HPCAL1: variants seen among roughly 807,000 people sequenced by gnomAD.
HPCAL1 encodes hippocalcin-like protein 1.
In HPCAL1, 8 loss-of-function variants were observed where a neutral mutation model predicts 17.1. The ratio of observed to expected loss-of-function variants is 0.47; its 90% CI spans 0.27 to 0.84. HPCAL1 has a LOEUF of 0.84. Ranked by LOEUF, HPCAL1 falls within the 40% of genes least tolerant of loss-of-function variation. The pLI, the probability that HPCAL1 is intolerant of heterozygous loss-of-function variation, is 0.13. For synonymous variants in HPCAL1, 112 were observed against 111.4 expected, an observed-to-expected ratio of 1.01 and a Z score of -0.03; for missense variants, 165 against 271.1, an observed-to-expected ratio of 0.61 and a Z score of 2.75.
At chr2:10,313,597 A>C (rs1042506505) in intron 1 of HPCAL1, among the ~76,000 whole-genome samples, 1 of 152,222 alleles carries the variant, frequency 6.6e-6, no homozygotes, top group African/African-American at 2.4e-5. Context: ...ACAAGGCTTT[A>C]GGGTTGGCAG....
chr2:10,313,737 C>G (rs1040589320), intron 1 of HPCAL1, among the ~76,000 whole-genome samples: 5 of 152,232 alleles, frequency 3.3e-5, no homozygotes, highest in African/African-American at 1.2e-4. Context: ...TCTGTCAGCT[C>G]TGCAATTCAG....
intron 1 of HPCAL1, among the ~76,000 whole-genome samples, chr2:10,378,595 T>C (rs1667739106): frequency 6.6e-6 from 1 of 152,168 alleles, no homozygotes; most frequent in African/African-American, 2.4e-5. Context: ...AGGACACTAA[T>C]ACCATCATGG....
intron 1 of HPCAL1, among the ~76,000 whole-genome samples, chr2:10,326,834 T>C (rs915295870): frequency 1.3e-5 from 2 of 152,158 alleles, no homozygotes; most frequent in Non-Finnish European, 2.9e-5. Context: ...CGCTGACAGA[T>C]GCCGAGGCTC....
Position 10,316,131 on chromosome 2 carries a change from C to T in HPCAL1, c.-111+12954C>T, listed in dbSNP as rs557045427. Among the ~76,000 whole-genome samples the T allele has an allele frequency of 4.6e-5, 7 of 152,238 alleles. No individual in the cohort carries two copies. The East Asian group carries it at 5.8e-4, about 13-fold the overall frequency. Reference sequence around the variant, plus strand: ...TGTTCTTGAACTTGGGCGTTCACTTCGTTTGTTGACCTGGAAGGAGCCATC... The same window carrying T: ...TGTTCTTGAACTTGGGCGTTCACTTTGTTTGTTGACCTGGAAGGAGCCATC... On this transcript the variant is annotated intron_variant, in intron 1 of 4. Coordinates refer to ENST00000307845, the MANE Select transcript of HPCAL1 (RefSeq NM_002149.4).
At position 10,378,235 on chromosome 2, in the gene HPCAL1, T is replaced by G. The variant is rs887224886; in HGVS notation, c.-110-18600T>G. Among the ~76,000 whole-genome samples the G allele has an allele frequency of 2.4e-4, 36 of 150,236 alleles. No homozygotes were observed. The East Asian group carries it at 6.8e-3, about 28-fold the overall frequency. Reference sequence around the variant, plus strand: ...AAGGTGGTTTCATGTTTTTTTTTTTTTTTTTTTTTTTTTACTGCTTTGAAG... The same window carrying G: ...AAGGTGGTTTCATGTTTTTTTTTTTGTTTTTTTTTTTTTACTGCTTTGAAG... On this transcript the variant is annotated intron_variant, in intron 1 of 4. Coordinates refer to ENST00000307845, the MANE Select transcript of HPCAL1 (RefSeq NM_002149.4).
intron 1 of HPCAL1, among the ~76,000 whole-genome samples, chr2:10,334,121 C>T (rs552083233): frequency 3.9e-4 from 60 of 152,154 alleles, no homozygotes; most frequent in Non-Finnish European, 5.4e-4. Context: ...TATTTGTGCG[C>T]GTTTTACGCT....
chr2:10,357,509 A>T (rs766493521), intron 1 of HPCAL1, among the ~76,000 whole-genome samples: 2 of 152,206 alleles, frequency 1.3e-5, no homozygotes, highest in Non-Finnish European at 2.9e-5. Context: ...CCATGGCAGA[A>T]TTCTGCTCTG....
chr2:10,392,874 C>T (rs1431275540), intron 1 of HPCAL1, among the ~76,000 whole-genome samples: 8 of 152,212 alleles, frequency 5.3e-5, no homozygotes, highest in Non-Finnish European at 8.8e-5. Flanking sequence ...CGGAAGGGCC[C>T]CAGGAAAAGC....
intron 4 of HPCAL1, chr2:10,425,368 T>C (rs1457139383): frequency 6.6e-6 from 1 of 152,330 alleles, no homozygotes; most frequent in Non-Finnish European, 1.5e-5. Flanking sequence ...CGGGCATTGT[T>C]TGGGCTCTCT....
At chr2:10,372,864 G>C (rs1395645528) in intron 1 of HPCAL1, among the ~76,000 whole-genome samples, 6 of 152,242 alleles carry the variant, frequency 3.9e-5, no homozygotes, top group African/African-American at 7.2e-5. Flanking sequence ...TCTGGAGAAG[G>C]TGGCCAGGCT....
chr2:10,336,667 C>T (rs1047251835), intron 1 of HPCAL1, among the ~76,000 whole-genome samples: 3 of 152,332 alleles, frequency 2.0e-5, no homozygotes, highest in South Asian at 2.1e-4. Context: ...GGGAGCCAGG[C>T]TTTCAGAGCA....
At chr2:10,401,374 G>C (rs1281970823) in intron 2 of HPCAL1, among the ~76,000 whole-genome samples, 1 of 152,150 alleles carries the variant, frequency 6.6e-6, no homozygotes, top group Non-Finnish European at 1.5e-5. Context: ...GTAATCACTG[G>C]GATCATAGAC....
intron 3 of HPCAL1, among the ~76,000 whole-genome samples, chr2:10,421,488 C>T (rs550587230): frequency 6.6e-6 from 1 of 152,152 alleles, no homozygotes; most frequent in Non-Finnish European, 1.5e-5. Context: ...ATCGCGTGAG[C>T]CCGGGAGTTT....
rs1474202804 is a variant in HPCAL1 at position 10,422,942 on chromosome 2, C to G, written c.379-41C>G. On this transcript the variant is annotated intron_variant, in intron 3 of 4. Transcript: ENST00000307845. ...CCACCCTTGCTGCACCCGCCCAAGC[C>G]CCCGGGCCTCTGAGCACAGTGTCAT... is the stretch of plus-strand genomic sequence containing the variant. 7 of 1,457,850 alleles carry G rather than the reference C, an allele frequency of 4.8e-6. No individual in the cohort carries two copies. In the Admixed American group the frequency reaches 1.2e-4, roughly 25 times the overall value. The allele number at this position is 1,457,850 out of a possible 1,614,324, so 90.3% of individuals were successfully genotyped here. A position where few individuals can be genotyped will look rare whatever the true frequency, so the allele number is the denominator to read the frequency against.
chr2:10,341,517 T>C (rs936743125), intron 1 of HPCAL1, among the ~76,000 whole-genome samples: 8 of 151,908 alleles, frequency 5.3e-5, no homozygotes, highest in Non-Finnish European at 1.0e-4. Context: ...GGGCCTTCTT[T>C]ATAGTAGGCT....
At position 10,326,730 on chromosome 2, in the gene HPCAL1, A is replaced by G. The variant is rs377586048; in HGVS notation, c.-111+23553A>G. On this transcript the variant is annotated intron_variant, in intron 1 of 4. Transcript: ENST00000307845. ...CTCAAGCTCCTCCTCAGCAGCGTTCATGAGCACAGGGTGTGGGTGTGACTG... is the reference window on the plus strand; with the variant it reads ...CTCAAGCTCCTCCTCAGCAGCGTTCGTGAGCACAGGGTGTGGGTGTGACTG... 1.9e-4 allele frequency among the ~76,000 whole-genome samples: 29 copies of G among 152,256 alleles called. No homozygotes were observed. The East Asian group carries it at 4.2e-3, about 22-fold the overall frequency.
At position 10,353,552 on chromosome 2, in the gene HPCAL1, G is replaced by A. The variant is rs73163007; in HGVS notation, c.-110-43283G>A. ...GCTTTCCATGTAGGGCCAGACTCTG[G>A]GCAGGTTTCTTTTTAAATTTTTTAA... On this transcript the variant is annotated intron_variant, in intron 1 of 4. Transcript: ENST00000307845. 9.4e-3 allele frequency among the ~76,000 whole-genome samples: 1,424 copies of A among 152,222 alleles called. 30 individuals carry two copies. The highest frequency in any genetic ancestry group is 0.033 in the African/African-American group (1,353 of 41,524).
rs754202966 is a variant in HPCAL1, at chr2:10,359,822, G to A, written c.-110-37013G>A. Among the ~76,000 whole-genome samples the A allele has an allele frequency of 1.0e-3, 157 of 152,102 alleles. No homozygotes were observed. Among genetic ancestry groups the A allele is most frequent in the Admixed American group, 2.2e-3 (34 of 15,284 alleles). ...TTGATGTATTGTGAAGGCACAGGGA[G>A]GGCCCTTTCCAGAGCAGGCTGCATC... On this transcript the variant is annotated intron_variant, in intron 1 of 4. Coordinates refer to ENST00000307845, the MANE Select transcript of HPCAL1 (RefSeq NM_002149.4). This position sits in a 1 kb window ranked among gnomAD's most constrained non-coding sequence, Gnocchi z 4.1.
chr2:10,369,061 CG>C (rs1667047082), intron 1 of HPCAL1: 1 of 152,176 alleles, frequency 6.6e-6, no homozygotes, highest in Admixed American at 6.5e-5. Context: ...TGAGGACTCA[CG>C]GTCGCCTCAG....
Sources: allele counts gnomAD v4.1 joint callset (sites outside exome capture counted in the v4.1 genomes callset), GRCh38; gene constraint gnomAD v4.1.1; non-coding constraint Gnocchi (gnomAD v3.1); transcripts MANE v1.5; gene names NCBI Gene and HGNC (gene_info 2026-07-23, HGNC 2026-07-21).